Variants in GDPD4 observed in about 807,000 individuals in gnomAD.
GDPD4 encodes the protein glycerophosphodiester phosphodiesterase 6.
GDPD4 carries 60 observed loss-of-function variants against 67.8 expected under a neutral mutation model. The ratio of observed to expected loss-of-function variants is 0.88; its 90% CI spans 0.72 to 1.10. The LOEUF is 1.10. GDPD4 is among the 50% of genes least tolerant of loss of function. The pLI, the probability that GDPD4 is intolerant of heterozygous loss-of-function variation, is 0.00. For synonymous variants in GDPD4, 212 were observed against 210.9 expected, an observed-to-expected ratio of 1.00 and a Z score of -0.04; for missense variants, 623 against 613.9, an observed-to-expected ratio of 1.01 and a Z score of -0.16.
At chr11:77,255,014 C>T (rs984233073) in intron 11 of GDPD4, among the ~76,000 whole-genome samples, 1 of 152,144 alleles carries the variant, frequency 6.6e-6, no homozygotes, top group African/African-American at 2.4e-5. Flanking sequence ...GCAAAGAAAG[C>T]TCCACGATCA....
At chr11:77,218,137 A>C (rs1440244574) in intron 16 of GDPD4, among the ~76,000 whole-genome samples, 1 of 149,448 alleles carries the variant, frequency 6.7e-6, no homozygotes, top group Non-Finnish European at 1.5e-5. Context: ...GGGAATTTTT[A>C]TTGGATTTGA....
At chr11:77,252,483 A>AT (rs746229173) in intron 11 of GDPD4, among the ~76,000 whole-genome samples, 1 of 152,078 alleles carries the variant, frequency 6.6e-6, no homozygotes, top group Non-Finnish European at 1.5e-5. Context: ...TAAGGTAATT[A>AT]TTTTGAATTC....
Position 77,216,781 on chromosome 11 carries a change from C to T in GDPD4, c.*496G>A. On this transcript the variant is annotated 3_prime_UTR_variant, in exon 17 of 17. Transcript: ENST00000315938. Reference sequence around the variant, plus strand: ...GTGTGCCTTTATCAACCACTCCCCACCATCACCACCCTTAGGCAGAGAGAG... The same window carrying T: ...GTGTGCCTTTATCAACCACTCCCCATCATCACCACCCTTAGGCAGAGAGAG... The T allele has an allele frequency of 5.0e-6, 3 of 604,728 alleles. No individual in the cohort carries two copies. Among genetic ancestry groups the T allele is most frequent in the Non-Finnish European group, 8.8e-6 (3 of 341,260 alleles). 37.5% of individuals were successfully genotyped at this position (604,728 alleles called of 1,614,324 possible).
chr11:77,284,260 A>T (rs1466538543), intron 3 of GDPD4, among the ~76,000 whole-genome samples: 1 of 152,222 alleles, frequency 6.6e-6, no homozygotes, highest in African/African-American at 2.4e-5. Flanking sequence ...TTAGGAGTTT[A>T]AAAATTTTGT....
chr11:77,299,075 T>C (rs1938075704), intron 1 of GDPD4, among the ~76,000 whole-genome samples: 1 of 151,638 alleles, frequency 6.6e-6, no homozygotes, highest in South Asian at 2.1e-4. Context: ...TGGCCTCATA[T>C]GAAAACCAGG....
rs1456322767 is a variant in GDPD4, at chr11:77,269,873, C to CAACCTCCAACCTCCAACCTCA, written c.478+9_478+10insTGAGGTTGGAGGTTGGAGGTT. On this transcript the variant is annotated intron_variant, in intron 8 of 16. Transcript: ENST00000315938. The stretch of plus-strand genomic sequence containing the variant: ...TTAGTGACTTTCAAATCTCAGTCTC[C>CAACCTCCAACCTCCAACCTCA]AGCTCTAACCTCTTAACCTTGTGAT... 2.0e-6 allele frequency: 3 copies of CAACCTCCAACCTCCAACCTCA among 1,495,498 alleles called. No homozygotes were observed. Among genetic ancestry groups the CAACCTCCAACCTCCAACCTCA allele is most frequent in the Admixed American group, 3.8e-5 (2 of 53,262 alleles). The allele number at this position is 1,495,498 out of a possible 1,614,324, so 92.6% of individuals were successfully genotyped here. A position where few individuals can be genotyped will look rare whatever the true frequency, so the allele number is the denominator to read the frequency against.
chr11:77,218,009 T>C (rs1234251984), intron 16 of GDPD4, among the ~76,000 whole-genome samples: 1 of 147,438 alleles, frequency 6.8e-6, no homozygotes, highest in African/African-American at 2.7e-5. Context: ...TTTTTAAAAG[T>C]TTTTTAGTTG....
chr11:77,252,068 T>TG lies in GDPD4; in HGVS notation c.864+6317_864+6318insC, dbSNP rs1218243664. Among the ~76,000 whole-genome samples the TG allele has an allele frequency of 3.8e-3, 539 of 142,720 alleles. 14 individuals are homozygous for TG. Among genetic ancestry groups the TG allele is most frequent in the Admixed American group, 0.021 (304 of 14,470 alleles). 93.6% of individuals were successfully genotyped at this position (142,720 alleles called of 152,430 possible). A position where few individuals can be genotyped will look rare whatever the true frequency, so the allele number is the denominator to read the frequency against. ...TTTGTTTGTTTGTTTTTTTTTTGTT[T>TG]TTTTTTTTTTTTTGAGACAGAGTCT... is the stretch of plus-strand genomic sequence containing the variant. On this transcript the variant is annotated intron_variant, in intron 11 of 16. Coordinates refer to ENST00000315938, the MANE Select transcript of GDPD4 (RefSeq NM_182833.3).
chr11:77,276,247 GT>G, intron 4 of GDPD4, 27 bp from the exon 5 acceptor site: 2 of 1,602,380 alleles, frequency 1.2e-6, no homozygotes, highest in Non-Finnish European at 1.7e-6. Flanking sequence ...GAAAAAGAGA[GT>G]TATTTTGAAA....
chr11:77,286,933 A>C (rs1430576519), intron 2 of GDPD4: 1 of 152,250 alleles, frequency 6.6e-6, no homozygotes, highest in Non-Finnish European at 1.5e-5. Context: ...CTTTTTCTTC[A>C]AGATTCACTG....
At chr11:77,263,667 A>G (rs1393534063) in intron 10 of GDPD4, among the ~76,000 whole-genome samples, 3 of 152,192 alleles carry the variant, frequency 2.0e-5, no homozygotes, top group Admixed American at 1.3e-4. Context: ...TAAACAAAAT[A>G]TTAAATTTTA....
intron 10 of GDPD4, among the ~76,000 whole-genome samples, chr11:77,267,904 C>T (rs1315508956): frequency 1.3e-5 from 2 of 151,988 alleles, no homozygotes; most frequent in African/African-American, 4.8e-5. Context: ...TTTGAGCACA[C>T]AAATTTTTTT....
chr11:77,238,140 T>G (rs897371163), intron 13 of GDPD4, among the ~76,000 whole-genome samples: 3 of 152,120 alleles, frequency 2.0e-5, no homozygotes, highest in African/African-American at 7.2e-5. Flanking sequence ...TTCAGTGTTT[T>G]GAAATGATTA....
At position 77,245,477 on chromosome 11, in the gene GDPD4, G is replaced by C; in HGVS notation, c.890C>G (p.Pro297Arg). The change falls in exon 12 of 17, where the codon CCT becomes CGT. Residue 297 changes from proline (P) to arginine (R), a missense_variant. Pro to Arg is a moderately radical substitution (Grantham distance 103). Transcript: ENST00000315938. ...PELRPFYNMK[P>R]LSEADKERAR... ...TCTTTCTTTATCTGCCTCTGATAGAGGTTTCATATTGTAAAATGGCCTGAG... is the reference window on the plus strand; with the variant it reads ...TCTTTCTTTATCTGCCTCTGATAGACGTTTCATATTGTAAAATGGCCTGAG... 1 of 1,613,780 alleles carries C rather than the reference G, an allele frequency of 6.2e-7. No homozygotes were observed. Among genetic ancestry groups the C allele is most frequent in the African/African-American group, 1.3e-5 (1 of 74,980 alleles).
intron 11 of GDPD4, among the ~76,000 whole-genome samples, chr11:77,251,964 C>G (rs1958907300): frequency 1.3e-5 from 2 of 151,630 alleles, no homozygotes; most frequent in Admixed American, 1.3e-4. Flanking sequence ...TGAAACAAGT[C>G]TCTTGTTGAA....
intron 7 of GDPD4, among the ~76,000 whole-genome samples, chr11:77,270,432 T>C (rs75693674): frequency 0.017 from 2,642 of 152,306 alleles, 84 homozygotes; most frequent in African/African-American, 0.06. Flanking sequence ...AAACTACTAA[T>C]ATTTGCCGGG....
chr11:77,246,989 A>G, intron 11 of GDPD4, among the ~76,000 whole-genome samples: 1 of 152,202 alleles, frequency 6.6e-6, no homozygotes, highest in East Asian at 1.9e-4. Flanking sequence ...TTAAGACTCA[A>G]GTAATCTCTC....
intron 16 of GDPD4, among the ~76,000 whole-genome samples, chr11:77,222,989 C>T (rs1958257127): frequency 6.6e-6 from 1 of 152,162 alleles, no homozygotes; most frequent in South Asian, 2.1e-4. Context: ...ATCACTGATA[C>T]CCTTTCTTCC....
At chr11:77,244,857 C>T (rs1355359741) in intron 12 of GDPD4, among the ~76,000 whole-genome samples, 5 of 152,184 alleles carry the variant, frequency 3.3e-5, no homozygotes. Context: ...AGAGTTGCTT[C>T]TGAAAAACAT....
Sources: gnomAD v4.1 joint callset for allele counts (sites outside exome capture counted in the v4.1 genomes callset) on GRCh38, gnomAD v4.1.1 for gene constraint, MANE v1.5 for transcripts, NCBI Gene and HGNC (gene_info 2026-07-23, HGNC 2026-07-21) for gene names.